MSN: variants seen among roughly 807,000 people sequenced by gnomAD.
The protein encoded by MSN is moesin.
A neutral mutation model predicts 48.0 loss-of-function variants in MSN; 2 were observed. That is an observed-to-expected ratio of 0.04 (90% CI 0.02 to 0.13). MSN has a LOEUF of 0.13. Ranked by LOEUF, MSN falls within the 10% of genes least tolerant of loss-of-function variation. MSN has a pLI of 1.00. For missense variants in MSN, 267 were observed against 470.1 expected (o/e 0.57, Z 3.99); for synonymous variants, 146 against 166.9 (o/e 0.87, Z 0.97).
At chrX:65,716,477 T>C (rs1259972817) in intron 1 of MSN, 1 of 281,698 alleles carries the variant, frequency 3.5e-6, no homozygotes, top group Non-Finnish European at 6.9e-6. Flanking sequence ...GGTTTTGCCA[T>C]GTTACCCAGG....
intron 2 of MSN, among the ~76,000 whole-genome samples, chrX:65,723,473 G>A (rs1209409296): frequency 9.0e-6 from 1 of 111,035 alleles, no homozygotes; most frequent in Non-Finnish European, 1.9e-5. Context: ...GCTCAGATCC[G>A]ATAAGCTGGC....
chrX:65,739,995 G>T lies in MSN; in HGVS notation c.*102G>T. ...TACTGTGCTGGAGCCACTAACTAGA[G>T]CAGCCCTGGAGTCATGCCAAGCATT... On this transcript the variant is annotated 3_prime_UTR_variant, in exon 13 of 13. Transcript: ENST00000360270. 2.1e-6 allele frequency: 2 copies of T among 950,771 alleles called. No individual in the cohort carries two copies. The highest frequency in any genetic ancestry group is 2.9e-6 in the Non-Finnish European group (2 of 694,240). The allele number at this position is 950,771 out of a possible 1,213,427, so 78.4% of individuals were successfully genotyped here. A position where few individuals can be genotyped will look rare whatever the true frequency, so the allele number is the denominator to read the frequency against.
intron 1 of MSN, among the ~76,000 whole-genome samples, chrX:65,632,565 C>T (rs1304565179): frequency 8.9e-6 from 1 of 112,137 alleles, no homozygotes; most frequent in Non-Finnish European, 1.9e-5. Context: ...ATGAGTGATT[C>T]AGTTTCTTCA....
chrX:65,716,496 G>C, intron 1 of MSN: 1 of 308,454 alleles, frequency 3.2e-6, no homozygotes, highest in South Asian at 3.2e-5. Flanking sequence ...GGCTGGTCTC[G>C]AACTCCTGGC....
upstream of MSN, among the ~76,000 whole-genome samples, chrX:65,663,016 G>A (rs2070836142): frequency 1.8e-5 from 2 of 112,159 alleles, no homozygotes; most frequent in African/African-American, 6.5e-5. Context: ...CCAGCACTTT[G>A]GGAGGCTGAG....
intron 1 of MSN, among the ~76,000 whole-genome samples, chrX:65,643,133 C>G (rs1016315101): frequency 9.0e-6 from 1 of 111,394 alleles, no homozygotes; most frequent in East Asian, 2.8e-4. Flanking sequence ...AGGTGGTTAC[C>G]TAGGTGGTGT....
intron 1 of MSN, among the ~76,000 whole-genome samples, chrX:65,712,216 T>A (rs149876007): frequency 3.3e-4 from 37 of 111,850 alleles, no homozygotes; most frequent in African/African-American, 1.2e-3. Context: ...ACTGGGGTAC[T>A]TGCCTTACTT....
chrX:65,645,255 C>T (rs2070686876), intron 1 of MSN, among the ~76,000 whole-genome samples: 1 of 111,985 alleles, frequency 8.9e-6, no homozygotes, highest in Admixed American at 9.5e-5. Flanking sequence ...TAGCTGATAG[C>T]TGGCCTCTGA....
At chrX:65,704,016 A>T (rs1242776018) in intron 1 of MSN, among the ~76,000 whole-genome samples, 1 of 112,296 alleles carries the variant, frequency 8.9e-6, no homozygotes, top group African/African-American at 3.2e-5. Flanking sequence ...GTGCTTCAGA[A>T]GTATGATGCT....
intron 1 of MSN, among the ~76,000 whole-genome samples, chrX:65,646,139 G>GAGTATA (rs2070693577): frequency 8.9e-6 from 1 of 111,983 alleles, no homozygotes; most frequent in Admixed American, 9.5e-5. Context: ...ACTGAAGCAT[G>GAGTATA]AGTATATCTT....
intron 1 of MSN, among the ~76,000 whole-genome samples, chrX:65,642,083 G>A (rs1373622083): frequency 1.1e-5 from 1 of 93,173 alleles, no homozygotes; most frequent in Non-Finnish European, 2.0e-5. Context: ...GCGGTGAGCC[G>A]AGAGTGTGCC....
intron 1 of MSN, among the ~76,000 whole-genome samples, chrX:65,678,467 G>A (rs753851334): frequency 9.0e-6 from 1 of 111,677 alleles, no homozygotes; most frequent in African/African-American, 3.3e-5. Flanking sequence ...GCCTAAAGAG[G>A]TTCAGAGTGT....
intron 2 of MSN, among the ~76,000 whole-genome samples, chrX:65,727,540 A>G (rs925742329): frequency 1.8e-5 from 2 of 112,106 alleles, no homozygotes; most frequent in East Asian, 5.6e-4. Context: ...GCATAGGGGT[A>G]TTATGAAAAT....
chrX:65,617,129 T>G (rs1173145653), intron 1 of MSN, among the ~76,000 whole-genome samples: 1 of 106,412 alleles, frequency 9.4e-6, no homozygotes, highest in Non-Finnish European at 1.9e-5. Flanking sequence ...TTGAGGATTT[T>G]TGCATCAATG....
intron 1 of MSN, among the ~76,000 whole-genome samples, chrX:65,676,826 T>C (rs2071003358): frequency 9.1e-6 from 1 of 110,494 alleles, no homozygotes; most frequent in African/African-American, 3.3e-5. Context: ...TCCTTTTTTT[T>C]CTTTTCTTTT....
intron 1 of MSN, among the ~76,000 whole-genome samples, chrX:65,595,192 G>A (rs1432840750): frequency 8.9e-6 from 1 of 112,222 alleles, no homozygotes; most frequent in Non-Finnish European, 1.9e-5. Context: ...TGGGGATGCT[G>A]AAAAGCACTT....
intron 7 of MSN, among the ~76,000 whole-genome samples, chrX:65,735,055 A>G (rs2071661102): frequency 8.9e-6 from 1 of 112,367 alleles, no homozygotes; most frequent in South Asian, 3.6e-4. Flanking sequence ...TGGGTTTCAG[A>G]GTCAAGAAAC....
chrX:65,670,732 A>G (rs2070924698), intron 1 of MSN, among the ~76,000 whole-genome samples: 1 of 103,409 alleles, frequency 9.7e-6, no homozygotes, highest in South Asian at 4.5e-4. Context: ...CAAAAACAAA[A>G]AAAGCAAAAA....
intron 1 of MSN, among the ~76,000 whole-genome samples, chrX:65,654,972 A>G (rs1259984228): frequency 9.0e-6 from 1 of 111,429 alleles, no homozygotes; most frequent in Admixed American, 9.6e-5. Context: ...GAGTGGTGAA[A>G]AAATATATTA....
Sources: allele counts gnomAD v4.1 joint callset (sites outside exome capture counted in the v4.1 genomes callset), GRCh38; gene constraint gnomAD v4.1.1; transcripts MANE v1.5; gene names NCBI Gene and HGNC (gene_info 2026-07-23, HGNC 2026-07-21).